Variants in PHEX observed in about 807,000 individuals in gnomAD.
PHEX encodes the protein phosphate-regulating neutral endopeptidase PHEX.
A neutral mutation model predicts 68.0 loss-of-function variants in PHEX; 16 were observed. That is an observed-to-expected ratio of 0.24 (90% confidence interval 0.16 to 0.36). The LOEUF (loss-of-function observed/expected upper bound fraction) is 0.36. Among genes scored for constraint, PHEX ranks in the 10% least tolerant of loss-of-function variants. The pLI is 1.00. For synonymous variants in PHEX, 208 were observed against 205.1 expected (o/e 1.01, Z -0.12); for missense variants, 480 against 575.5 (o/e 0.83, Z 1.70).
chrX:22,072,610 G>A (rs780215691), intron 3 of PHEX, among the ~76,000 whole-genome samples: 1 of 111,600 alleles, frequency 9.0e-6, no homozygotes, highest in Admixed American at 9.5e-5. Flanking sequence ...TATTCAAAAA[G>A]GACTCGTACG....
intron 15 of PHEX, among the ~76,000 whole-genome samples, chrX:22,206,888 A>G (rs750120700): frequency 4.5e-4 from 50 of 111,975 alleles, no homozygotes; most frequent in South Asian, 1.5e-3. Flanking sequence ...AGCTTACAAT[A>G]ATGTGTACTG....
chrX:22,184,519 G>A (rs1933971872), intron 14 of PHEX, among the ~76,000 whole-genome samples: 1 of 111,929 alleles, frequency 8.9e-6, no homozygotes, highest in African/African-American at 3.2e-5. Context: ...ATCCATTTTA[G>A]CTGCACTAAT....
chrX:22,150,035 T>C (rs1932823265), intron 12 of PHEX, among the ~76,000 whole-genome samples: 1 of 111,781 alleles, frequency 8.9e-6, no homozygotes, highest in Non-Finnish European at 1.9e-5. Flanking sequence ...CTAATGAGAA[T>C]GAGAACATAG....
intron 6 of PHEX, among the ~76,000 whole-genome samples, chrX:22,092,728 C>CTTCTT (rs1929945463): frequency 1.0e-5 from 1 of 96,647 alleles, no homozygotes; most frequent in South Asian, 4.6e-4. Flanking sequence ...CTATTTAAGA[C>CTTCTT]TTCTTTTCTT....
chrX:22,180,269 A>G (rs1165488062), intron 14 of PHEX, among the ~76,000 whole-genome samples: 3 of 110,641 alleles, frequency 2.7e-5, no homozygotes, highest in Non-Finnish European at 5.7e-5. Context: ...AGCACCTTCA[A>G]AGTTATAGCC....
intron 11 of PHEX, among the ~76,000 whole-genome samples, chrX:22,116,492 A>G (rs1209814579): frequency 8.9e-6 from 1 of 112,034 alleles, no homozygotes; most frequent in Non-Finnish European, 1.9e-5. Context: ...CAGGTGGTCA[A>G]TAAACACTGA....
chrX:22,174,748 A>C (rs1157652878), intron 13 of PHEX, among the ~76,000 whole-genome samples: 3 of 112,140 alleles, frequency 2.7e-5, no homozygotes, highest in Non-Finnish European at 5.6e-5. Context: ...GTTTACATAT[A>C]ATTTGGTACA....
intron 15 of PHEX, among the ~76,000 whole-genome samples, chrX:22,195,754 A>G (rs1934347914): frequency 8.9e-6 from 1 of 112,037 alleles, no homozygotes; most frequent in Admixed American, 9.5e-5. Context: ...ATATGATAGA[A>G]GTTAAAATAA....
At chrX:22,041,265 C>CTCTCTCTATATA (rs1468778300) in intron 2 of PHEX, among the ~76,000 whole-genome samples, 51 of 72,805 alleles carry the variant, frequency 7.0e-4, no homozygotes, top group African/African-American at 9.5e-4. Flanking sequence ...CTCTCTCTCT[C>CTCTCTCTATATA]TATATATATA....
At chrX:22,070,681 G>C (rs190049438) in intron 3 of PHEX, among the ~76,000 whole-genome samples, 162 of 111,696 alleles carry the variant, frequency 1.5e-3, no homozygotes, top group African/African-American at 5.1e-3. Context: ...ACAAGACCCT[G>C]TCTCTAAAAG....
At chrX:22,058,073 A>C (rs1161435302) in intron 3 of PHEX, among the ~76,000 whole-genome samples, 1 of 111,741 alleles carries the variant, frequency 8.9e-6, no homozygotes, top group Non-Finnish European at 1.9e-5. Flanking sequence ...CAGGACAGGG[A>C]CGTGGGCAAT....
chrX:22,121,320 A>G (rs1484975081), intron 11 of PHEX, among the ~76,000 whole-genome samples: 1 of 111,942 alleles, frequency 8.9e-6, no homozygotes, highest in African/African-American at 3.3e-5. Context: ...AGACATCACG[A>G]GCAGGGAAAT....
At position 22,064,730 on chromosome X, in the gene PHEX, G is replaced by C. The variant is rs111609101; in HGVS notation, c.350-11658G>C. On this transcript the variant is annotated intron_variant, in intron 3 of 21. Transcript: ENST00000379374. The stretch of plus-strand genomic sequence containing the variant: ...ATGAAAATGTATATATTGCAAATTT[G>C]TTTGCCTTGCATTGGGTAAATGCAA... Among the ~76,000 whole-genome samples the C allele has an allele frequency of 9.1e-3, 1,024 of 112,029 alleles. 10 individuals carry two copies. The highest frequency in any genetic ancestry group is 0.031 in the African/African-American group (943 of 30,873).
At chrX:22,198,423 A>G (rs145480503) in intron 15 of PHEX, among the ~76,000 whole-genome samples, 4,572 of 109,665 alleles carry the variant, frequency 0.042, 259 homozygotes, top group African/African-American at 0.14. Flanking sequence ...AAGGGTGTGC[A>G]GTGCATTCTG....
At position 22,250,724 on chromosome X, in the gene PHEX, C is replaced by G. The variant is rs1320765895; in HGVS notation, c.*2771C>G. 8.9e-6 allele frequency: 1 copy of G among 112,277 alleles called. No homozygotes were observed. The highest frequency in any genetic ancestry group is 1.9e-5 in the Non-Finnish European group (1 of 53,255). The allele number at this position is 112,277 out of a possible 1,213,427, so 9.3% of individuals were successfully genotyped here. A position where few individuals can be genotyped will look rare whatever the true frequency, so the allele number is the denominator to read the frequency against. ...TCATTTATTCATTTTATGAGATGGA[C>G]TTGGACATCACTAATGCAAACACAG... On this transcript the variant is annotated 3_prime_UTR_variant, in exon 22 of 22. Transcript: ENST00000379374.
At chrX:22,073,635 GTT>G (rs1182752837) in intron 3 of PHEX, among the ~76,000 whole-genome samples, 3 of 53,214 alleles carry the variant, frequency 5.6e-5, no homozygotes, top group East Asian at 6.4e-4. Context: ...CTGTGCTATA[GTT>G]TTTTTTTTTT....
chrX:22,222,079 C>G (rs760333393), intron 18 of PHEX, among the ~76,000 whole-genome samples: 3 of 112,172 alleles, frequency 2.7e-5, no homozygotes, highest in Admixed American at 9.4e-5. Context: ...TTTATAAACA[C>G]TGACTTGGTT....
chrX:22,054,912 AC>A (rs1928006760), intron 3 of PHEX, among the ~76,000 whole-genome samples: 1 of 109,482 alleles, frequency 9.1e-6, no homozygotes, highest in South Asian at 3.9e-4. Context: ...GGTGACTCAC[AC>A]CTGTAGTCCC....
chrX:22,053,140 T>C (rs1340770530), intron 3 of PHEX, among the ~76,000 whole-genome samples: 1 of 111,979 alleles, frequency 8.9e-6, no homozygotes, highest in Non-Finnish European at 1.9e-5. Flanking sequence ...CATGAAGTAA[T>C]GTCTATCAAA....
Sources: gnomAD v4.1 joint callset for allele counts (sites outside exome capture counted in the v4.1 genomes callset) on GRCh38, gnomAD v4.1.1 for gene constraint, MANE v1.5 for transcripts, NCBI Gene and HGNC (gene_info 2026-07-23, HGNC 2026-07-21) for gene names.